SLC22A3: variants seen among roughly 807,000 people sequenced by gnomAD.
SLC22A3 encodes solute carrier family 22 member 3.
SLC22A3 carries 51 observed loss-of-function variants against 59.1 expected under a neutral mutation model. That is an observed-to-expected ratio of 0.86 (90% CI 0.69 to 1.09). The LOEUF is 1.09. SLC22A3 is among the 50% of genes least tolerant of loss of function. The pLI, the probability that SLC22A3 is intolerant of heterozygous loss-of-function variation, is 0.00. For missense variants in SLC22A3, 711 were observed against 726.3 expected (o/e 0.98, Z 0.24); for synonymous variants, 325 against 292.0 (o/e 1.11, Z -1.15).
intron 9 of SLC22A3, among the ~76,000 whole-genome samples, chr6:160,446,359 A>G (rs1279883751): frequency 6.6e-6 from 1 of 152,222 alleles, no homozygotes; most frequent in Non-Finnish European, 1.5e-5. Flanking sequence ...TGCCACTGCT[A>G]TAAATAACTG....
At position 160,377,529 on chromosome 6, in the gene SLC22A3, C is replaced by T. The variant is rs1385231680; in HGVS notation, c.430-20450C>T. Among the ~76,000 whole-genome samples the T allele has an allele frequency of 2.0e-5, 3 of 151,966 alleles. No homozygotes were observed. In the East Asian group the frequency reaches 5.8e-4, roughly 29 times the overall value. Reference sequence around the variant, plus strand: ...AGGGAAACGTTTGCAAAGCTTCCATCTCCAGGTTGACTTCAGTCAATAATC... The same window carrying T: ...AGGGAAACGTTTGCAAAGCTTCCATTTCCAGGTTGACTTCAGTCAATAATC... On this transcript the variant is annotated intron_variant, in intron 1 of 10. Transcript: ENST00000275300.
rs1377356569 is a variant in SLC22A3, at chr6:160,452,032, A to AAAG, written c.*979_*981dup. The AAAG allele has an allele frequency of 6.6e-6, 1 of 152,230 alleles. No homozygotes were observed. The highest frequency in any genetic ancestry group is 1.5e-5 in the Non-Finnish European group (1 of 68,042). The allele number at this position is 152,230 out of a possible 1,614,324, so 9.4% of individuals were successfully genotyped here. A position where few individuals can be genotyped will look rare whatever the true frequency, so the allele number is the denominator to read the frequency against. On this transcript the variant is annotated 3_prime_UTR_variant, in exon 11 of 11. Coordinates refer to ENST00000275300, the MANE Select transcript of SLC22A3 (RefSeq NM_021977.4). ...GGGGAAAAGCTTACATTTTAATTTA[A>AAAG]AAGAAAGATCAATTATATCCATGCT...
intron 7 of SLC22A3, among the ~76,000 whole-genome samples, chr6:160,437,591 G>T (rs994894832): frequency 6.6e-6 from 1 of 152,210 alleles, no homozygotes; most frequent in Non-Finnish European, 1.5e-5. Context: ...ATAGAAGAAC[G>T]CAGTCTTGAC....
At chr6:160,386,688 C>G (rs1357181612) in intron 1 of SLC22A3, among the ~76,000 whole-genome samples, 2 of 152,220 alleles carry the variant, frequency 1.3e-5, no homozygotes, top group Non-Finnish European at 1.5e-5. Context: ...ACCAGCAGCA[C>G]AGACATCTTC....
At chr6:160,432,773 A>T (rs1788200277) in intron 5 of SLC22A3, among the ~76,000 whole-genome samples, 1 of 152,214 alleles carries the variant, frequency 6.6e-6, no homozygotes, top group South Asian at 2.1e-4. Context: ...ATACTTTTAA[A>T]CAATAAATAT....
intron 1 of SLC22A3, among the ~76,000 whole-genome samples, chr6:160,389,514 CAA>C (rs1786163016): frequency 6.6e-6 from 1 of 152,164 alleles, no homozygotes; most frequent in African/African-American, 2.4e-5. Context: ...GCCACTGGAG[CAA>C]GTAAGGGGTG....
At chr6:160,375,750 G>A (rs1200192941) in intron 1 of SLC22A3, among the ~76,000 whole-genome samples, 2 of 152,148 alleles carry the variant, frequency 1.3e-5, no homozygotes, top group Admixed American at 6.6e-5. Flanking sequence ...TTTTAAGAAT[G>A]ATCTCTTGAG....
chr6:160,369,464 T>C (rs1023624937), intron 1 of SLC22A3, among the ~76,000 whole-genome samples: 2 of 152,242 alleles, frequency 1.3e-5, no homozygotes, highest in African/African-American at 4.8e-5. Flanking sequence ...CACTTTATAG[T>C]TCTGTATTTT....
chr6:160,410,423 A>G (rs1193166454), intron 4 of SLC22A3, among the ~76,000 whole-genome samples: 1 of 152,210 alleles, frequency 6.6e-6, no homozygotes, highest in African/African-American at 2.4e-5. Context: ...GCTTTTCTTA[A>G]TATTTACTAA....
chr6:160,384,850 C>T (rs1785936272), intron 1 of SLC22A3, among the ~76,000 whole-genome samples: 1 of 152,196 alleles, frequency 6.6e-6, no homozygotes, highest in South Asian at 2.1e-4. Flanking sequence ...TCTCCACTCA[C>T]CTCTTTCCCA....
intron 1 of SLC22A3, among the ~76,000 whole-genome samples, chr6:160,361,724 A>G: frequency 6.6e-6 from 1 of 152,200 alleles, no homozygotes; most frequent in East Asian, 1.9e-4. Flanking sequence ...AAGAAATTGC[A>G]ATGTCTGAAC....
rs115346082 is a variant in SLC22A3, at chr6:160,397,700, C to T, written c.430-279C>T. On this transcript the variant is annotated intron_variant, in intron 1 of 10. Transcript: ENST00000275300. Reference sequence around the variant, plus strand: ...AGTAAGCAGAGATTGCTCCACTACACTTCAGTCTGGTGACAGAGCGAGACT... The same window carrying T: ...AGTAAGCAGAGATTGCTCCACTACATTTCAGTCTGGTGACAGAGCGAGACT... Among the ~76,000 whole-genome samples the T allele has an allele frequency of 3.4e-3, 496 of 144,290 alleles. 3 individuals carry two copies. Among genetic ancestry groups the T allele is most frequent in the African/African-American group, 9.3e-3 (358 of 38,644 alleles). The allele number at this position is 144,290 out of a possible 152,430, so 94.7% of individuals were successfully genotyped here. A position where few individuals can be genotyped will look rare whatever the true frequency, so the allele number is the denominator to read the frequency against.
At chr6:160,390,207 G>A (rs913571989) in intron 1 of SLC22A3, among the ~76,000 whole-genome samples, 1 of 152,082 alleles carries the variant, frequency 6.6e-6, no homozygotes, top group East Asian at 1.9e-4. Context: ...CCTAAAAATC[G>A]GAGCCTGGGG....
rs1788999465 is a variant in SLC22A3, at chr6:160,452,327, A to G, written c.*1271A>G. 6.6e-6 allele frequency: 1 copy of G among 152,256 alleles called. No homozygotes were observed. Among genetic ancestry groups the G allele is most frequent in the Non-Finnish European group, 1.5e-5 (1 of 68,038 alleles). 9.4% of individuals were successfully genotyped at this position (152,256 alleles called of 1,614,324 possible). A position where few individuals can be genotyped will look rare whatever the true frequency, so the allele number is the denominator to read the frequency against. On this transcript the variant is annotated 3_prime_UTR_variant, in exon 11 of 11. Coordinates refer to ENST00000275300, the MANE Select transcript of SLC22A3 (RefSeq NM_021977.4). ...AAGGAGAACAGGTGACAATATACACATGTGCGCTAATCGTAAAATGAGCAT... is the reference window on the plus strand; with the variant it reads ...AAGGAGAACAGGTGACAATATACACGTGTGCGCTAATCGTAAAATGAGCAT...
At position 160,447,772 on chromosome 6, in the gene SLC22A3, G is replaced by A. The variant is rs755381838; in HGVS notation, c.1564G>A (p.Gly522Ser). The change falls in exon 10 of 11, where the codon GGT becomes AGT. Residue 522 changes from glycine to serine, a missense_variant. Gly to Ser is a moderately conservative substitution (Grantham distance 56, BLOSUM62 0). Transcript: ENST00000275300. ...TGTGATGCTTTTGCCTGAAACCAAGGGTATTGCCTTGCCAGAGACAGTGGA... is the reference window on the plus strand; with the variant it reads ...TGTGATGCTTTTGCCTGAAACCAAGAGTATTGCCTTGCCAGAGACAGTGGA... Reference protein sequence around the residue: ...GLVMLLPETKGIALPETVDDV... With the variant: ...GLVMLLPETKSIALPETVDDV... 4.3e-6 allele frequency: 7 copies of A among 1,613,928 alleles called. No individual in the cohort carries two copies. The highest frequency in any genetic ancestry group is 5.9e-6 in the Non-Finnish European group (7 of 1,179,978).
chr6:160,389,915 C>A (rs926515457), intron 1 of SLC22A3, among the ~76,000 whole-genome samples: 1 of 152,122 alleles, frequency 6.6e-6, no homozygotes, highest in African/African-American at 2.4e-5. Flanking sequence ...TGAAGTCTAA[C>A]GTGGTTGGCC....
chr6:160,451,159 C>G lies in SLC22A3; in HGVS notation c.*103C>G. On this transcript the variant is annotated 3_prime_UTR_variant, in exon 11 of 11. Transcript: ENST00000275300. ...CGTGTGCATTTCAGCTACATCATGC[C>G]GCGCTGTTGTAATACTGTATAAAGA... 9.7e-7 allele frequency: 1 copy of G among 1,031,106 alleles called. No homozygotes were observed. Among genetic ancestry groups the G allele is most frequent in the Non-Finnish European group, 1.5e-6 (1 of 673,916 alleles). 63.9% of individuals were successfully genotyped at this position (1,031,106 alleles called of 1,614,324 possible). A position where few individuals can be genotyped will look rare whatever the true frequency, so the allele number is the denominator to read the frequency against.
At chr6:160,425,636 A>G (rs543777558) in intron 5 of SLC22A3, among the ~76,000 whole-genome samples, 7 of 152,278 alleles carry the variant, frequency 4.6e-5, no homozygotes, top group South Asian at 2.1e-4. Context: ...GTTGAAGAAC[A>G]TGCATATAAG....
At chr6:160,414,370 G>A (rs1386118695) in intron 5 of SLC22A3, among the ~76,000 whole-genome samples, 2 of 152,006 alleles carry the variant, frequency 1.3e-5, no homozygotes, top group African/African-American at 2.4e-5. Context: ...GCTCATATAG[G>A]GAAGACAAGA....
Sources: gnomAD v4.1 joint callset for allele counts (sites outside exome capture counted in the v4.1 genomes callset) on GRCh38, gnomAD v4.1.1 for gene constraint, MANE v1.5 for transcripts, NCBI Gene and HGNC (gene_info 2026-07-23, HGNC 2026-07-21) for gene names.